PSEN1: variants seen among roughly 807,000 people sequenced by gnomAD.
The protein encoded by PSEN1 is presenilin-1.
PSEN1 carries 15 observed loss-of-function variants against 53.5 expected under a neutral mutation model. That is an observed-to-expected ratio of 0.28 (90% CI 0.19 to 0.43). The LOEUF (loss-of-function observed/expected upper bound fraction) is 0.43, where lower values mean the gene tolerates loss of function less well. PSEN1 is among the 20% of genes least tolerant of loss of function. PSEN1 has a pLI of 1.00. For synonymous variants in PSEN1, 208 were observed against 209.8 expected (o/e 0.99, Z 0.08); for missense variants, 387 against 571.2 (o/e 0.68, Z 3.29).
intron 5 of PSEN1, among the ~76,000 whole-genome samples, chr14:73,185,044 TG>T (rs1898442121): frequency 7.3e-6 from 1 of 136,606 alleles, no homozygotes. Flanking sequence ...TTCCTAGATG[TG>T]ATGGCAGCCG....
At chr14:73,162,839 A>T (rs1265180953) in intron 3 of PSEN1, among the ~76,000 whole-genome samples, 2 of 152,170 alleles carry the variant, frequency 1.3e-5, no homozygotes, top group African/African-American at 4.8e-5. Context: ...CTTTGAAAGG[A>T]TTCACCAAAT....
intron 3 of PSEN1, among the ~76,000 whole-genome samples, chr14:73,160,536 A>G (rs781511032): frequency 3.3e-5 from 5 of 152,070 alleles, no homozygotes; most frequent in African/African-American, 1.2e-4. Context: ...AGTGGTTCCA[A>G]TTTCTTCACA....
At chr14:73,142,768 G>A (rs910571525) in intron 1 of PSEN1, among the ~76,000 whole-genome samples, 3 of 152,166 alleles carry the variant, frequency 2.0e-5, no homozygotes, top group Admixed American at 1.3e-4. Context: ...TTCTCCTGGG[G>A]CTTTTAAAAT....
intron 5 of PSEN1, among the ~76,000 whole-genome samples, chr14:73,176,875 A>G (rs1362066560): frequency 6.6e-6 from 1 of 152,170 alleles, no homozygotes; most frequent in Non-Finnish European, 1.5e-5. Flanking sequence ...ACACATAGCT[A>G]TTACGTAAGA....
chr14:73,140,385 AT>A (rs1896890994), intron 1 of PSEN1, among the ~76,000 whole-genome samples: 1 of 150,546 alleles, frequency 6.6e-6, no homozygotes, highest in South Asian at 2.1e-4. Flanking sequence ...TAATTTTTGT[AT>A]TTTTAGTAGA....
intron 3 of PSEN1, among the ~76,000 whole-genome samples, chr14:73,151,455 T>C (rs1594969156): frequency 6.6e-6 from 1 of 152,226 alleles, no homozygotes; most frequent in Non-Finnish European, 1.5e-5. Context: ...TTCACGGCTG[T>C]ATTACATCTA....
At position 73,204,608 on chromosome 14, in the gene PSEN1, A is replaced by G. The variant is rs181985347; in HGVS notation, c.869-1778A>G. Reference sequence around the variant, plus strand: ...TTACTCCCTGGCCATTTACAGAAAAAGTTAGCTGGACATTGATTTTCATGT... The same window carrying G: ...TTACTCCCTGGCCATTTACAGAAAAGGTTAGCTGGACATTGATTTTCATGT... On this transcript the variant is annotated intron_variant, in intron 8 of 11. Coordinates refer to ENST00000324501, the MANE Select transcript of PSEN1 (RefSeq NM_000021.4). Among the ~76,000 whole-genome samples, 47 of 152,182 alleles carry G rather than the reference A, an allele frequency of 3.1e-4. No individual in the cohort carries two copies. The East Asian group carries it at 7.9e-3, about 26-fold the overall frequency.
intron 3 of PSEN1, among the ~76,000 whole-genome samples, chr14:73,160,632 G>C (rs551246692): frequency 5.9e-5 from 9 of 151,948 alleles, no homozygotes; most frequent in Admixed American, 2.0e-4. Flanking sequence ...CTAATGATTA[G>C]TGATGTTGAG....
At chr14:73,143,008 G>A (rs777504271) in intron 1 of PSEN1, among the ~76,000 whole-genome samples, 1 of 152,142 alleles carries the variant, frequency 6.6e-6, no homozygotes, top group Admixed American at 6.6e-5. Context: ...CCTCAGATCT[G>A]GGTAACTGTT....
At chr14:73,185,761 G>C (rs1313946781) in intron 5 of PSEN1, among the ~76,000 whole-genome samples, 1 of 152,168 alleles carries the variant, frequency 6.6e-6, no homozygotes, top group Non-Finnish European at 1.5e-5. Flanking sequence ...ATATTGGCCA[G>C]GCTGGTCTTG....
intron 7 of PSEN1, among the ~76,000 whole-genome samples, chr14:73,193,502 A>G (rs1898808409): frequency 7.0e-6 from 1 of 143,322 alleles, no homozygotes; most frequent in Non-Finnish European, 1.5e-5. Flanking sequence ...GTGAGCCGAG[A>G]TGGTGCCACT....
rs200598249 is a variant in PSEN1, at chr14:73,148,090, A to C, written c.71A>C (p.Asn24Thr). The C allele has an allele frequency of 2.7e-5, 43 of 1,613,286 alleles. No homozygotes were observed. The highest frequency in any genetic ancestry group is 3.6e-5 in the Non-Finnish European group (42 of 1,179,394). ...ATGTCTGAGGACAACCACCTGAGCAATACTGTACGTAGCCAGGTACAGTGT... is the reference window on the plus strand; with the variant it reads ...ATGTCTGAGGACAACCACCTGAGCACTACTGTACGTAGCCAGGTACAGTGT... ...AQMSEDNHLS[N>T]TVRSQNDNRE... Residue 24 changes from asparagine (N) to threonine (T), a missense_variant, in exon 3 of 12, where the codon AAT (asparagine) becomes ACT (threonine). Around this residue, in one of 4 missense-constraint regions of PSEN1, gnomAD observed 99 missense variants for 101.5 expected, o/e 0.98. Transcript: ENST00000324501.
At chr14:73,218,433 T>C (rs1000512619) in intron 11 of PSEN1, among the ~76,000 whole-genome samples, 2 of 152,184 alleles carry the variant, frequency 1.3e-5, no homozygotes, top group Admixed American at 1.3e-4. Flanking sequence ...TTTCTTGCTA[T>C]TTTTACTAAA....
chr14:73,172,231 G>A (rs370947651), intron 4 of PSEN1, among the ~76,000 whole-genome samples: 1 of 152,276 alleles, frequency 6.6e-6, no homozygotes, highest in East Asian at 1.9e-4. Flanking sequence ...CCATCTCTAC[G>A]ACTCTCATGG....
chr14:73,209,338 A>G (rs575190108), intron 9 of PSEN1, among the ~76,000 whole-genome samples: 4 of 152,366 alleles, frequency 2.6e-5, no homozygotes, highest in Non-Finnish European at 5.9e-5. Flanking sequence ...CATCAAGACC[A>G]CTAGTAAACC....
intron 5 of PSEN1, among the ~76,000 whole-genome samples, chr14:73,184,674 G>T (rs1595020820): frequency 6.7e-6 from 1 of 149,994 alleles, no homozygotes; most frequent in Non-Finnish European, 1.5e-5. Context: ...CCCGGACGGA[G>T]CGGCTGGCGG....
chr14:73,160,442 C>G (rs1303103664), intron 3 of PSEN1, among the ~76,000 whole-genome samples: 1 of 152,208 alleles, frequency 6.6e-6, no homozygotes, highest in Non-Finnish European at 1.5e-5. Flanking sequence ...ATTGCTGGGT[C>G]ATATGGTAGT....
chr14:73,178,704 G>A (rs565795309), intron 5 of PSEN1, among the ~76,000 whole-genome samples: 4 of 152,156 alleles, frequency 2.6e-5, no homozygotes, highest in African/African-American at 7.2e-5. Context: ...TATATAGCCC[G>A]TCTTTACATT....
chr14:73,189,392 C>T (rs1365208292), intron 6 of PSEN1, among the ~76,000 whole-genome samples: 5 of 152,014 alleles, frequency 3.3e-5, no homozygotes, highest in Non-Finnish European at 5.9e-5. Flanking sequence ...GGGTGGTTCA[C>T]CTGAGGTTAG....
Sources: allele counts gnomAD v4.1 joint callset (sites outside exome capture counted in the v4.1 genomes callset), GRCh38; gene constraint gnomAD v4.1.1; regional missense constraint gnomAD v4.1.1; transcripts MANE v1.5; gene names NCBI Gene and HGNC (gene_info 2026-07-23, HGNC 2026-07-21).